Variants in ANO6 observed in about 807,000 individuals in gnomAD.
ANO6 encodes the protein anoctamin 6, also known as anoctamin-6.
In ANO6, 106 loss-of-function variants were observed where a neutral mutation model predicts 117.5. The observed-to-expected ratio is 0.90, with a 90% confidence interval of 0.77 to 1.06. ANO6 has a LOEUF of 1.06. ANO6 is among the 50% of genes least tolerant of loss of function. The pLI, the probability that ANO6 is intolerant of heterozygous loss-of-function variation, is 0.00. For synonymous variants in ANO6, 367 were observed against 385.1 expected, an observed-to-expected ratio of 0.95 and a Z score of 0.55; for missense variants, 955 against 1,121.1, an observed-to-expected ratio of 0.85 and a Z score of 2.12.
chr12:45,255,452 T>C (rs1433087508), intron 1 of ANO6, among the ~76,000 whole-genome samples: 1 of 152,060 alleles, frequency 6.6e-6, no homozygotes, highest in Non-Finnish European at 1.5e-5. Context: ...GCAGCTGAGA[T>C]TGTGCCACTG....
intron 1 of ANO6, among the ~76,000 whole-genome samples, chr12:45,262,638 G>A (rs1484635761): frequency 6.6e-6 from 1 of 152,102 alleles, no homozygotes; most frequent in African/African-American, 2.4e-5. Context: ...TGGTCAGGGT[G>A]GTCTCAAACT....
At position 45,348,024 on chromosome 12, in the gene ANO6, A is replaced by G. The variant is rs371921209; in HGVS notation, c.346-4A>G. ...TGTTCTGCGTTTTTATTTTTCCAAT[A>G]TAGGTATTGGATGACAAGCTTGTAT... On this transcript the variant is annotated splice_region_variant and splice_polypyrimidine_tract_variant and intron_variant, in intron 4 of 19. Transcript: ENST00000320560. The G allele has an allele frequency of 8.7e-6, 14 of 1,613,092 alleles. No homozygotes were observed. The African/African-American group carries it at 1.7e-4, about 20-fold the overall frequency.
intron 1 of ANO6, among the ~76,000 whole-genome samples, chr12:45,219,436 A>G (rs1314175927): frequency 6.6e-6 from 1 of 152,004 alleles, no homozygotes; most frequent in Non-Finnish European, 1.5e-5. Flanking sequence ...CCCAGGCTCA[A>G]GCAATTCTCC....
intron 1 of ANO6, among the ~76,000 whole-genome samples, chr12:45,293,665 A>C (rs528718039): frequency 1.4e-5 from 2 of 146,188 alleles, no homozygotes; most frequent in East Asian, 4.0e-4. Context: ...GGTTCACACC[A>C]TTCTCCTGCA....
intron 1 of ANO6, among the ~76,000 whole-genome samples, chr12:45,259,623 C>T (rs1937954910): frequency 6.6e-6 from 1 of 152,180 alleles, no homozygotes; most frequent in African/African-American, 2.4e-5. Flanking sequence ...CACGCTTTTC[C>T]ACCTCCTTTC....
chr12:45,242,109 C>T (rs1379856169), intron 1 of ANO6, among the ~76,000 whole-genome samples: 1 of 152,246 alleles, frequency 6.6e-6, no homozygotes, highest in Non-Finnish European at 1.5e-5. Context: ...CCGGAGTTGT[C>T]AGACAGGGAT....
intron 6 of ANO6, among the ~76,000 whole-genome samples, chr12:45,349,800 TGCCCC>T (rs1941234862): frequency 6.6e-6 from 1 of 152,230 alleles, no homozygotes; most frequent in Admixed American, 6.5e-5. Context: ...TTTACTTTTG[TGCCCC>T]ACTGAATTTA....
rs527535581 is a variant in ANO6, at chr12:45,440,029, G to A, written c.*91G>A. The A allele has an allele frequency of 7.1e-6, 9 of 1,272,982 alleles. No homozygotes were observed. The Admixed American group carries it at 2.5e-4, about 35-fold the overall frequency. The allele number at this position is 1,272,982 out of a possible 1,614,324, so 78.9% of individuals were successfully genotyped here. On this transcript the variant is annotated 3_prime_UTR_variant, in exon 20 of 20. Coordinates refer to the ANO6 transcript ENST00000425752. ...GCTCAAGATAGAGTAGCATTGTTTG[G>A]CTCATTAATATTCCAATACTGGCAT... is the stretch of plus-strand genomic sequence containing the variant.
chr12:45,243,183 G>T (rs1947771896), intron 1 of ANO6, among the ~76,000 whole-genome samples: 1 of 152,150 alleles, frequency 6.6e-6, no homozygotes, highest in African/African-American at 2.4e-5. Flanking sequence ...GCCAGGTGTG[G>T]TGGCATGCAC....
At chr12:45,243,234 G>A (rs1400613867) in intron 1 of ANO6, among the ~76,000 whole-genome samples, 1 of 152,186 alleles carries the variant, frequency 6.6e-6, no homozygotes, top group Non-Finnish European at 1.5e-5. Flanking sequence ...CAGCAGGATC[G>A]TTTGAGCCTG....
In ANO6 at chr12:45,431,645, T is replaced by C; in HGVS notation, c.*2334T>C. On this transcript the variant is annotated 3_prime_UTR_variant, in exon 20 of 20. Transcript: ENST00000320560. ...GATGCAGGGTCATTTCCCCATGCCA[T>C]CCACAGTGTTTGTTAGTGAGTCCAC... 6.1e-6 allele frequency: 6 copies of C among 985,388 alleles called. No homozygotes were observed. Among genetic ancestry groups the C allele is most frequent in the Non-Finnish European group, 7.2e-6 (6 of 829,924 alleles). The allele number at this position is 985,388 out of a possible 1,614,324, so 61.0% of individuals were successfully genotyped here. A position where few individuals can be genotyped will look rare whatever the true frequency, so the allele number is the denominator to read the frequency against.
At chr12:45,304,161 G>A (rs1252813919) in intron 2 of ANO6, among the ~76,000 whole-genome samples, 2 of 152,124 alleles carry the variant, frequency 1.3e-5, no homozygotes, top group Non-Finnish European at 2.9e-5. Flanking sequence ...TGTACTCCCA[G>A]TTCCACAGTA....
chr12:45,355,166 T>C (rs1298625718), intron 7 of ANO6, among the ~76,000 whole-genome samples: 1 of 152,184 alleles, frequency 6.6e-6, no homozygotes, highest in Non-Finnish European at 1.5e-5. Flanking sequence ...GTAACTTTGA[T>C]TTAAAAAATC....
intron 9 of ANO6, among the ~76,000 whole-genome samples, chr12:45,373,129 T>C (rs1941895610): frequency 6.6e-6 from 1 of 152,028 alleles, no homozygotes; most frequent in Admixed American, 6.5e-5. Context: ...CATTACATAA[T>C]GGTAAAGGGA....
intron 1 of ANO6, among the ~76,000 whole-genome samples, chr12:45,279,255 G>A (rs1938646975): frequency 6.6e-6 from 1 of 152,186 alleles, no homozygotes; most frequent in African/African-American, 2.4e-5. Context: ...AGGAGCCTGT[G>A]CTGCCAGCCT....
rs1311958907 is a variant in ANO6, at chr12:45,430,246, A to C, written c.*935A>C. On this transcript the variant is annotated 3_prime_UTR_variant, in exon 20 of 20. Transcript: ENST00000320560. ...AAGCCCCTCAATTTTCTACCAGTTG[A>C]CTTTTATTCATTAGATACAGAAGGT... is the stretch of plus-strand genomic sequence containing the variant. 4.1e-6 allele frequency: 4 copies of C among 985,284 alleles called. No individual in the cohort carries two copies. The allele number at this position is 985,284 out of a possible 1,614,324, so 61.0% of individuals were successfully genotyped here.
intron 2 of ANO6, among the ~76,000 whole-genome samples, chr12:45,319,669 T>C (rs1430801152): frequency 2.0e-5 from 3 of 152,196 alleles, no homozygotes; most frequent in African/African-American, 7.2e-5. Flanking sequence ...TTTCTATTGA[T>C]TGGAATAGTT....
intron 2 of ANO6, among the ~76,000 whole-genome samples, chr12:45,304,763 G>A (rs1341906217): frequency 6.6e-6 from 1 of 152,152 alleles, no homozygotes; most frequent in Non-Finnish European, 1.5e-5. Context: ...AGAGAACATT[G>A]CCAGTTGAAT....
At chr12:45,306,509 A>G (rs1288536543) in intron 2 of ANO6, among the ~76,000 whole-genome samples, 1 of 152,126 alleles carries the variant, frequency 6.6e-6, no homozygotes, top group African/African-American at 2.4e-5. Context: ...ACAGAGAAGG[A>G]AGTCTGAAGA....
Sources: gnomAD v4.1 joint callset for allele counts (sites outside exome capture counted in the v4.1 genomes callset) on GRCh38, gnomAD v4.1.1 for gene constraint, MANE v1.5 for transcripts, NCBI Gene and HGNC (gene_info 2026-07-23, HGNC 2026-07-21) for gene names.